Variants in ACVR2A observed in about 807,000 individuals in gnomAD.
The protein encoded by ACVR2A is activin A receptor type 2A.
Under a neutral mutation model 61.4 loss-of-function variants are expected in ACVR2A, and 7 were observed. The ratio of observed to expected loss-of-function variants is 0.11; its 90% CI spans 0.06 to 0.21. ACVR2A has a LOEUF of 0.21. Ranked by LOEUF, ACVR2A falls within the 10% of genes least tolerant of loss-of-function variation. The pLI is 1.00. For missense variants in ACVR2A, 322 were observed against 621.7 expected (o/e 0.52, Z 5.13); for synonymous variants, 193 against 208.3 (o/e 0.93, Z 0.63).
intron 1 of ACVR2A, among the ~76,000 whole-genome samples, chr2:147,875,614 A>G (rs984558065): frequency 8.6e-5 from 13 of 152,032 alleles, no homozygotes; most frequent in African/African-American, 2.9e-4. Context: ...GAGGTTGTGC[A>G]CTGTGAGAAA....
In ACVR2A at chr2:147,887,425, C is replaced by G. The variant is rs563932478; in HGVS notation, c.56-8876C>G. 6.6e-5 allele frequency among the ~76,000 whole-genome samples: 10 copies of G among 152,240 alleles called. No individual in the cohort carries two copies. The East Asian group carries it at 1.9e-3, about 29-fold the overall frequency. Reference sequence around the variant, plus strand: ...TTGTGCTAGATATTAGGGATTCAGTCATGAAAATATTACACTATTTGCTTG... The same window carrying G: ...TTGTGCTAGATATTAGGGATTCAGTGATGAAAATATTACACTATTTGCTTG... On this transcript the variant is annotated intron_variant, in intron 1 of 10. Transcript: ENST00000241416.
At chr2:147,914,978 CATT>C (rs145760546) in intron 4 of ACVR2A, among the ~76,000 whole-genome samples, 1,831 of 152,002 alleles carry the variant, frequency 0.012, 44 homozygotes, top group African/African-American at 0.042. Context: ...TAATGCTGAA[CATT>C]ATTATGAAAC....
At chr2:147,911,470 G>A (rs1687109460) in intron 4 of ACVR2A, among the ~76,000 whole-genome samples, 1 of 151,960 alleles carries the variant, frequency 6.6e-6, no homozygotes, top group Non-Finnish European at 1.5e-5. Flanking sequence ...TGTAACTGAT[G>A]TGTCATTTTT....
At position 147,923,029 on chromosome 2, in the gene ACVR2A, A is replaced by G. The variant is rs761328185; in HGVS notation, c.1134A>G (p.Gln378=). 2 of 1,613,420 alleles carry G rather than the reference A, an allele frequency of 1.2e-6. No individual in the cohort carries two copies. The highest frequency in any genetic ancestry group is 1.7e-6 in the Non-Finnish European group (2 of 1,179,548). Residue 378 remains glutamine (Q), a synonymous_variant, in exon 9 of 11, where the codon CAA becomes CAG. Coordinates refer to ENST00000241416, the MANE Select transcript of ACVR2A (RefSeq NM_001616.5). ...PEVLEGAINF[Q]RDAFLRIDMY... Reference sequence around the variant, plus strand: ...TATTAGAGGGTGCTATAAACTTCCAAAGGGATGCATTTTTGAGGATAGATA... The same window carrying G: ...TATTAGAGGGTGCTATAAACTTCCAGAGGGATGCATTTTTGAGGATAGATA...
At chr2:147,877,976 C>T (rs1277258469) in intron 1 of ACVR2A, among the ~76,000 whole-genome samples, 1 of 152,114 alleles carries the variant, frequency 6.6e-6, no homozygotes. Context: ...CAATTACCGA[C>T]TATACAGAGA....
At chr2:147,926,872 A>C (rs1014716906) in intron 10 of ACVR2A, among the ~76,000 whole-genome samples, 1 of 151,790 alleles carries the variant, frequency 6.6e-6, no homozygotes, top group Non-Finnish European at 1.5e-5. Context: ...GAGTTAAAAA[A>C]ATTCCTCTTG....
intron 1 of ACVR2A, among the ~76,000 whole-genome samples, chr2:147,858,337 G>T (rs532008891): frequency 6.6e-6 from 1 of 152,208 alleles, no homozygotes; most frequent in Admixed American, 6.5e-5. Flanking sequence ...AATTTGTGAT[G>T]CCTGATGGGT....
intron 4 of ACVR2A, among the ~76,000 whole-genome samples, chr2:147,900,894 C>T (rs1013506189): frequency 2.6e-5 from 4 of 152,024 alleles, no homozygotes; most frequent in African/African-American, 9.7e-5. Flanking sequence ...CTCCTTCCCT[C>T]TAAGCTTTAT....
chr2:147,922,593 C>G (rs1687410441), intron 8 of ACVR2A, among the ~76,000 whole-genome samples: 1 of 151,836 alleles, frequency 6.6e-6, no homozygotes, highest in South Asian at 2.1e-4. Context: ...TTAGCTAATT[C>G]TTTTTATAAC....
intron 1 of ACVR2A, among the ~76,000 whole-genome samples, chr2:147,867,856 C>A (rs895803236): frequency 4.6e-5 from 7 of 152,112 alleles, no homozygotes; most frequent in African/African-American, 1.7e-4. Context: ...AATCTTACAA[C>A]ACTAGAAGAC....
chr2:147,844,561 C>G (rs1685247660), upstream of ACVR2A: 1 of 150,032 alleles, frequency 6.7e-6, no homozygotes, highest in African/African-American at 2.4e-5. Flanking sequence ...GAGCTGGAGC[C>G]AGAGCCTGGA....
Position 147,896,315 on chromosome 2 carries a change from A to G in ACVR2A, c.70A>G (p.Arg24Gly). The change falls in exon 2 of 11, where the codon AGA becomes GGA. Residue 24 changes from arginine to glycine, a missense_variant. Physicochemically the swap from Arg to Gly is moderately radical, Grantham distance 125 (BLOSUM62 -2). This residue lies in a region of ACVR2A where 142 missense variants were observed against 200.3 expected (regional missense o/e 0.71). Transcript: ENST00000241416. ...ISCSSGAILGRSETQECLFFN... is the reference protein window; with the variant it reads ...ISCSSGAILGGSETQECLFFN... ...TTATCTTATAGGTGCTATACTTGGT[A>G]GATCAGAAACTCAGGAGTGTCTTTT... is the stretch of plus-strand genomic sequence containing the variant. 1 of 1,613,552 alleles carries G rather than the reference A, an allele frequency of 6.2e-7. No individual in the cohort carries two copies. Among genetic ancestry groups the G allele is most frequent in the Non-Finnish European group, 8.5e-7 (1 of 1,179,566 alleles).
rs1413896224 is a variant in ACVR2A, at chr2:147,928,899, T to G, written c.*1625T>G. 2 of 152,450 alleles carry G rather than the reference T, an allele frequency of 1.3e-5. No homozygotes were observed. The highest frequency in any genetic ancestry group is 4.8e-5 in the African/African-American group (2 of 41,426). The allele number at this position is 152,450 out of a possible 1,614,324, so 9.4% of individuals were successfully genotyped here. On this transcript the variant is annotated 3_prime_UTR_variant, in exon 11 of 11. Coordinates refer to ENST00000241416, the MANE Select transcript of ACVR2A (RefSeq NM_001616.5). ...ATGCTGTGTATTTCTGTCAGGTCAT[T>G]TTAAAATCCATGTTAATTTTATAAA...
chr2:147,917,102 T>C (rs936195737), intron 5 of ACVR2A, among the ~76,000 whole-genome samples, 181 bp from the exon 6 acceptor site: 1 of 151,998 alleles, frequency 6.6e-6, no homozygotes, highest in African/African-American at 2.4e-5. Context: ...GGCAGGCATT[T>C]AGTATAAATT....
intron 4 of ACVR2A, among the ~76,000 whole-genome samples, chr2:147,902,099 T>G (rs566024090): frequency 6.3e-4 from 95 of 151,970 alleles, no homozygotes; most frequent in Non-Finnish European, 1.2e-3. Flanking sequence ...TTTCAATGAT[T>G]TCCAAGTTGT....
chr2:147,880,668 T>G (rs2105169852), intron 1 of ACVR2A, among the ~76,000 whole-genome samples: 1 of 152,304 alleles, frequency 6.6e-6, no homozygotes, highest in Non-Finnish European at 1.5e-5. Context: ...AAATTGAGCT[T>G]CTCATTTTTC....
chr2:147,846,728 C>G (rs1057061182), intron 1 of ACVR2A, among the ~76,000 whole-genome samples: 1 of 152,154 alleles, frequency 6.6e-6, no homozygotes, highest in Non-Finnish European at 1.5e-5. Flanking sequence ...CATTAAACCT[C>G]TTGCTTTTGT....
intron 4 of ACVR2A, among the ~76,000 whole-genome samples, chr2:147,901,528 A>G (rs1183176532): frequency 6.6e-6 from 1 of 152,040 alleles, no homozygotes; most frequent in Non-Finnish European, 1.5e-5. Context: ...TGTTATGCAT[A>G]AATAAGAACC....
At chr2:147,897,968 T>C (rs1686782745) in intron 2 of ACVR2A, among the ~76,000 whole-genome samples, 1 of 152,190 alleles carries the variant, frequency 6.6e-6, no homozygotes, top group Non-Finnish European at 1.5e-5. Context: ...CTATCTTTTA[T>C]CATTTAGTTG....
Sources: allele counts gnomAD v4.1 joint callset (sites outside exome capture counted in the v4.1 genomes callset), GRCh38; gene constraint gnomAD v4.1.1; regional missense constraint gnomAD v4.1.1; transcripts MANE v1.5; gene names NCBI Gene and HGNC (gene_info 2026-07-23, HGNC 2026-07-21).